The following ALOX5AP variants were observed in gnomAD, a reference collection of about 807,000 sequenced individuals.
The protein encoded by ALOX5AP is arachidonate 5-lipoxygenase activating protein, also known as arachidonate 5-lipoxygenase-activating protein.
A neutral mutation model predicts 18.5 loss-of-function variants in ALOX5AP; 9 were observed. That is an observed-to-expected ratio of 0.49 (90% CI 0.29 to 0.85). The LOEUF (loss-of-function observed/expected upper bound fraction) is 0.85, where lower values mean the gene tolerates loss of function less well. Among genes scored for constraint, ALOX5AP ranks in the 40% least tolerant of loss-of-function variants. The probability of loss-of-function intolerance (pLI) is 0.08; values close to 1 mark genes in which losing one functional copy is unlikely to be tolerated. For synonymous variants in ALOX5AP, 81 were observed against 78.6 expected, an observed-to-expected ratio of 1.03 and a Z score of -0.16; for missense variants, 172 against 202.5, an observed-to-expected ratio of 0.85 and a Z score of 0.91.
intron 2 of ALOX5AP, among the ~76,000 whole-genome samples, chr13:30,747,984 A>G (rs888183711): frequency 6.6e-6 from 1 of 151,946 alleles, no homozygotes; most frequent in African/African-American, 2.4e-5. Context: ...CAGTGGTGCA[A>G]TCTTGGCTGA....
chr13:30,749,054 A>G (rs1239273368), intron 2 of ALOX5AP, among the ~76,000 whole-genome samples: 2 of 152,252 alleles, frequency 1.3e-5, no homozygotes, highest in African/African-American at 4.8e-5. Context: ...AGCCAGAGCC[A>G]GGAACAAGGC....
chr13:30,730,707 G>A (rs1362731214), upstream of ALOX5AP, among the ~76,000 whole-genome samples: 3 of 152,292 alleles, frequency 2.0e-5, no homozygotes, highest in East Asian at 1.9e-4. Flanking sequence ...GCTGACAGCC[G>A]GGCATAGTGG....
At chr13:30,750,011 C>T (rs759119865) in intron 2 of ALOX5AP, among the ~76,000 whole-genome samples, 6 of 152,062 alleles carry the variant, frequency 3.9e-5, no homozygotes, top group Non-Finnish European at 7.4e-5. Flanking sequence ...ACATGAAACC[C>T]GTGGTTCTCA....
At chr13:30,763,882 G>T (rs1372913828) in intron 4 of ALOX5AP, 62 bp from the exon 5 acceptor site, 6 of 1,482,734 alleles carry the variant, frequency 4.0e-6, no homozygotes, top group South Asian at 2.5e-5. Context: ...TAACATTTTT[G>T]TGTGTGTGAA....
chr13:30,733,809 C>T (rs150514084), upstream of ALOX5AP, among the ~76,000 whole-genome samples: 65 of 151,420 alleles, frequency 4.3e-4, 1 homozygote, highest in African/African-American at 1.5e-3. Flanking sequence ...TCCATCTTCT[C>T]CTGCCCTTGG....
chr13:30,763,422 A>G (rs1413744395), intron 4 of ALOX5AP, among the ~76,000 whole-genome samples: 8 of 152,270 alleles, frequency 5.3e-5, no homozygotes, highest in Admixed American at 5.2e-4. Flanking sequence ...GAATGTAGAT[A>G]TGAATTATTC....
intron 1 of ALOX5AP, among the ~76,000 whole-genome samples, chr13:30,721,432 T>A (rs1256349835): frequency 6.6e-6 from 1 of 152,042 alleles, no homozygotes; most frequent in African/African-American, 2.4e-5. Context: ...TCTGTTTTTT[T>A]AAGTGAGAAA....
chr13:30,723,657 A>G (rs1330754541), intron 1 of ALOX5AP, among the ~76,000 whole-genome samples: 1 of 152,214 alleles, frequency 6.6e-6, no homozygotes, highest in African/African-American at 2.4e-5. Flanking sequence ...GTTAATATAA[A>G]TTCCTTTATT....
chr13:30,764,117 A>T lies in ALOX5AP; in HGVS notation c.*11A>T, dbSNP rs760859760. The stretch of plus-strand genomic sequence containing the variant: ...CTTCTCATTCCCTAACTCTCTGCTG[A>T]ATATGGGGTTGGTGTTCTCATCTAA... On this transcript the variant is annotated 3_prime_UTR_variant, in exon 5 of 5. Coordinates refer to ENST00000380490, the MANE Select transcript of ALOX5AP (RefSeq NM_001629.4). 6.2e-7 allele frequency: 1 copy of T among 1,612,742 alleles called. No individual in the cohort carries two copies. The highest frequency in any genetic ancestry group is 8.5e-7 in the Non-Finnish European group (1 of 1,179,284).
At chr13:30,754,353 T>C (rs1024868230) in intron 3 of ALOX5AP, among the ~76,000 whole-genome samples, 2 of 152,210 alleles carry the variant, frequency 1.3e-5, no homozygotes, top group African/African-American at 2.4e-5. Context: ...GAGTGGCTGA[T>C]TGGAGGCAAA....
chr13:30,720,359 T>A (rs1360582604), intron 1 of ALOX5AP, among the ~76,000 whole-genome samples: 2 of 152,242 alleles, frequency 1.3e-5, no homozygotes, highest in Admixed American at 6.5e-5. Flanking sequence ...TGAGAACATC[T>A]GTTTTTCTTC....
chr13:30,745,492 G>A (rs1951802399), intron 2 of ALOX5AP, among the ~76,000 whole-genome samples: 1 of 152,038 alleles, frequency 6.6e-6, no homozygotes, highest in South Asian at 2.1e-4. Context: ...ACGTGCTCTG[G>A]GCTCCACTCC....
chr13:30,763,785 T>C (rs1951965856), intron 4 of ALOX5AP, among the ~76,000 whole-genome samples, 159 bp from the exon 5 acceptor site: 1 of 152,226 alleles, frequency 6.6e-6, no homozygotes, highest in Non-Finnish European at 1.5e-5. Flanking sequence ...GCTGAGACAC[T>C]TCTACCCTTC....
chr13:30,739,990 A>C (rs1206143334), intron 1 of ALOX5AP, among the ~76,000 whole-genome samples: 3 of 152,132 alleles, frequency 2.0e-5, no homozygotes, highest in Non-Finnish European at 4.4e-5. Context: ...CTGTTCCCTA[A>C]AATCACTTAG....
intron 4 of ALOX5AP, among the ~76,000 whole-genome samples, chr13:30,758,685 C>T (rs916407174): frequency 1.2e-4 from 19 of 152,204 alleles, no homozygotes; most frequent in Admixed American, 2.6e-4. Context: ...ACCCCTTCCT[C>T]TATCCTGTTT....
Position 30,752,062 on chromosome 13 carries a change from G to A in ALOX5AP, c.181G>A (p.Val61Ile), listed in dbSNP as rs201136470. 1.2e-6 allele frequency: 2 copies of A among 1,614,186 alleles called. No individual in the cohort carries two copies. Among genetic ancestry groups the A allele is most frequent in the Non-Finnish European group, 1.7e-6 (2 of 1,180,018 alleles). Residue 61 changes from valine (V) to isoleucine (I), a missense_variant, in exon 3 of 5, where the codon GTA (valine) becomes ATA (isoleucine). Transcript: ENST00000380490. Reference protein sequence around the residue: ...ERVYTANQNCVDAYPTFLAVL... With the variant: ...ERVYTANQNCIDAYPTFLAVL... Reference sequence around the variant, plus strand: ...TTGTTTATTCTGCAGCCAGAACTGTGTAGATGCGTACCCCACTTTCCTCGC... The same window carrying A: ...TTGTTTATTCTGCAGCCAGAACTGTATAGATGCGTACCCCACTTTCCTCGC...
chr13:30,753,719 C>T (rs909139451), intron 3 of ALOX5AP, among the ~76,000 whole-genome samples: 1 of 152,180 alleles, frequency 6.6e-6, no homozygotes, highest in Non-Finnish European at 1.5e-5. Flanking sequence ...GATTTGTACC[C>T]TCCTGGTGCC....
chr13:30,752,167 TC>T (rs756806011), intron 3 of ALOX5AP, 45 bp downstream of exon 3: 1 of 1,590,486 alleles, frequency 6.3e-7, no homozygotes, highest in East Asian at 2.2e-5. Context: ...ATAAAGTGCA[TC>T]TCAAGGAGGT....
chr13:30,730,170 C>T (rs1278537644), intron 1 of ALOX5AP, among the ~76,000 whole-genome samples: 5 of 152,222 alleles, frequency 3.3e-5, no homozygotes, highest in African/African-American at 7.2e-5. Context: ...GAAGTTTAAT[C>T]AATAGCATAT....
Sources: allele counts gnomAD v4.1 joint callset (sites outside exome capture counted in the v4.1 genomes callset), GRCh38; gene constraint gnomAD v4.1.1; transcripts MANE v1.5; gene names NCBI Gene and HGNC (gene_info 2026-07-23, HGNC 2026-07-21).